SIK3: variants seen among roughly 807,000 people sequenced by gnomAD.
The protein encoded by SIK3 is serine/threonine-protein kinase SIK3.
In SIK3, 28 loss-of-function variants were observed where a neutral mutation model predicts 144.2. The observed-to-expected ratio is 0.19, with a 90% CI of 0.14 to 0.27. The LOEUF is 0.27. SIK3 is among the 10% of genes least tolerant of loss of function. The pLI, the probability that SIK3 is intolerant of heterozygous loss-of-function variation, is 1.00. For synonymous variants in SIK3, 686 were observed against 676.3 expected, an observed-to-expected ratio of 1.01 and a Z score of -0.22; for missense variants, 1,319 against 1,776.0, an observed-to-expected ratio of 0.74 and a Z score of 4.62.
chr11:116,859,523 G>A lies in SIK3; in HGVS notation c.2507C>T (p.Pro836Leu), dbSNP rs1943190547. Residue 836 changes from proline to leucine, a missense_variant, in exon 20 of 25, where the codon CCT becomes CTT. Pro to Leu is a moderately conservative substitution (Grantham distance 98). Around this residue, in one of 8 missense-constraint regions of SIK3, gnomAD observed 646 missense variants for 763.7 expected, o/e 0.85. Transcript: ENST00000445177. ...CAAGCAGGTTAGTGCCACGTTGGGA[G>A]GAGAGGAACAGTTCTCAGGTTGCTG... The part of the protein sequence containing the change: ...FQQQPENCSS[P>L]PNVALTCLGM... The A allele has an allele frequency of 6.2e-7, 1 of 1,614,104 alleles. No homozygotes were observed. Among genetic ancestry groups the A allele is most frequent in the Non-Finnish European group, 8.5e-7 (1 of 1,180,064 alleles).
At chr11:116,985,151 T>C (rs1383323277) in intron 1 of SIK3, among the ~76,000 whole-genome samples, 1 of 152,170 alleles carries the variant, frequency 6.6e-6, no homozygotes, top group Non-Finnish European at 1.5e-5. Flanking sequence ...TTAGGCAACA[T>C]AGCAAGACAG....
chr11:116,997,515 A>T (rs565741793), intron 1 of SIK3, among the ~76,000 whole-genome samples: 1 of 152,370 alleles, frequency 6.6e-6, no homozygotes, highest in Admixed American at 6.5e-5. Context: ...CTGACTTAAA[A>T]ATTTGATAAA....
intron 1 of SIK3, among the ~76,000 whole-genome samples, chr11:117,034,030 A>T (rs1952384664): frequency 6.6e-6 from 1 of 152,206 alleles, no homozygotes; most frequent in African/African-American, 2.4e-5. Context: ...TATAAAACAG[A>T]TTTATAATCG....
In SIK3 at chr11:116,844,619, A is replaced by ATGTG. The variant is rs1565345206; in HGVS notation, c.*1023_*1024insCACA. The ATGTG allele has an allele frequency of 2.5e-5, 1 of 40,450 alleles. No homozygotes were observed. The highest frequency in any genetic ancestry group is 2.3e-4 in the African/African-American group (1 of 4,394). The allele number at this position is 40,450 out of a possible 1,614,324, so 2.5% of individuals were successfully genotyped here. A position where few individuals can be genotyped will look rare whatever the true frequency, so the allele number is the denominator to read the frequency against. On this transcript the variant is annotated 3_prime_UTR_variant, in exon 25 of 25. Coordinates refer to ENST00000445177, the MANE Select transcript of SIK3 (RefSeq NM_001366686.3). ...ATTTTATATATATATTATATATATA[A>ATGTG]TATATATATAATATATTATATTATA...
chr11:116,908,636 T>C (rs1388578517), intron 4 of SIK3, among the ~76,000 whole-genome samples: 6 of 151,794 alleles, frequency 4.0e-5, no homozygotes, highest in African/African-American at 1.5e-4. Context: ...CTATTGACAA[T>C]TGACAAAAAA....
Position 116,873,987 on chromosome 11 carries a change from G to A in SIK3, c.1497C>T (p.Phe499=). ...AGTTCACATTAGGGGCCACCTGCAGGAATGGAGCCTGGGGGTTGACTCCAG... is the reference window on the plus strand; with the variant it reads ...AGTTCACATTAGGGGCCACCTGCAGAAATGGAGCCTGGGGGTTGACTCCAG... ...GFPGVNPQAP[F]LQVAPNVNFM... The change falls in exon 12 of 25, where the codon TTC becomes TTT. Residue 499 remains phenylalanine, a synonymous_variant. Transcript: ENST00000445177. 6.2e-7 allele frequency: 1 copy of A among 1,614,098 alleles called. No individual in the cohort carries two copies. Among genetic ancestry groups the A allele is most frequent in the Non-Finnish European group, 8.5e-7 (1 of 1,179,992 alleles).
intron 1 of SIK3, among the ~76,000 whole-genome samples, chr11:117,034,118 T>G (rs932339740): frequency 7.2e-5 from 11 of 152,016 alleles, no homozygotes; most frequent in Admixed American, 7.2e-4. Flanking sequence ...GAAAAAAAAT[T>G]CAAAGAAAAC....
chr11:116,848,379 C>T (rs1291649023), intron 22 of SIK3, among the ~76,000 whole-genome samples: 1 of 152,016 alleles, frequency 6.6e-6, no homozygotes, highest in Middle Eastern at 3.2e-3. Flanking sequence ...TAAAGTGTAA[C>T]TGGTGTGACT....
chr11:117,078,218 A>G (rs1241847565), intron 1 of SIK3, among the ~76,000 whole-genome samples: 1 of 152,160 alleles, frequency 6.6e-6, no homozygotes, highest in Non-Finnish European at 1.5e-5. Flanking sequence ...TGTATTTCAG[A>G]GTTTAAGAAT....
At chr11:117,065,327 T>C (rs1199445658) in intron 1 of SIK3, among the ~76,000 whole-genome samples, 2 of 152,044 alleles carry the variant, frequency 1.3e-5, no homozygotes, top group East Asian at 3.8e-4. Context: ...TAAATTTTAA[T>C]TATAAACTAT....
chr11:116,934,093 C>T (rs1405962954), intron 3 of SIK3, among the ~76,000 whole-genome samples: 1 of 152,162 alleles, frequency 6.6e-6, no homozygotes, highest in Non-Finnish European at 1.5e-5. Context: ...ATATTCACTT[C>T]CCCTACGCAC....
rs1945220275 is a variant in SIK3, at chr11:116,893,201, T to C, written c.865+3052A>G. 2.0e-5 allele frequency among the ~76,000 whole-genome samples: 3 copies of C among 152,182 alleles called. No individual in the cohort carries two copies. In the South Asian group the frequency reaches 6.2e-4, roughly 32 times the overall value. On this transcript the variant is annotated intron_variant, in intron 6 of 24. Coordinates refer to ENST00000445177, the MANE Select transcript of SIK3 (RefSeq NM_001366686.3). ...TGAGAGAAAACCCAAATGTAAGCTA[T>C]GGACTTTGGGTGATAATGTGTCAAT...
At chr11:116,854,941 C>T (rs1942756675) in intron 21 of SIK3, among the ~76,000 whole-genome samples, 3 of 151,812 alleles carry the variant, frequency 2.0e-5, no homozygotes, top group African/African-American at 7.3e-5. Flanking sequence ...AAAAAATTAG[C>T]CGGGTGCGGT....
At chr11:116,916,893 T>C (rs1479836391) in intron 4 of SIK3, among the ~76,000 whole-genome samples, 8 of 151,752 alleles carry the variant, frequency 5.3e-5, no homozygotes, top group Admixed American at 4.6e-4. Flanking sequence ...TCACTTGAGC[T>C]CAGGAGTTCA....
At chr11:117,032,940 G>C (rs1057144331) in intron 1 of SIK3, among the ~76,000 whole-genome samples, 5 of 152,002 alleles carry the variant, frequency 3.3e-5, no homozygotes, top group Non-Finnish European at 7.4e-5. Context: ...ATAAAATATA[G>C]ATATTTCAAA....
intron 1 of SIK3, among the ~76,000 whole-genome samples, chr11:117,068,430 T>C (rs1954114362): frequency 6.6e-6 from 1 of 152,206 alleles, no homozygotes; most frequent in African/African-American, 2.4e-5. Flanking sequence ...TTAAAGATGA[T>C]CCGAACATCC....
intron 1 of SIK3, among the ~76,000 whole-genome samples, chr11:117,045,022 C>T (rs1434267695): frequency 6.6e-6 from 1 of 152,172 alleles, no homozygotes. Context: ...TATTTAAGAA[C>T]ACACATAGGA....
At chr11:117,090,560 A>C (rs1455791634) in intron 1 of SIK3, among the ~76,000 whole-genome samples, 2 of 152,220 alleles carry the variant, frequency 1.3e-5, no homozygotes, top group Non-Finnish European at 2.9e-5. Flanking sequence ...CATACCCTCA[A>C]AGGTAGATCA....
At chr11:117,035,276 AT>A (rs1203699760) in intron 1 of SIK3, among the ~76,000 whole-genome samples, 1 of 152,196 alleles carries the variant, frequency 6.6e-6, no homozygotes, top group Admixed American at 6.5e-5. Flanking sequence ...GAAATGAGGA[AT>A]TTTTTAATGA....
Sources: gnomAD v4.1 joint callset for allele counts (sites outside exome capture counted in the v4.1 genomes callset) on GRCh38, gnomAD v4.1.1 for gene constraint, gnomAD v4.1.1 regional missense constraint, MANE v1.5 for transcripts, NCBI Gene and HGNC (gene_info 2026-07-23, HGNC 2026-07-21) for gene names.